The following REV3L variants were observed in gnomAD, a reference collection of about 807,000 sequenced individuals.
REV3L encodes the protein DNA polymerase zeta catalytic subunit.
REV3L carries 69 observed loss-of-function variants against 299.4 expected under a neutral mutation model. The ratio of observed to expected loss-of-function variants is 0.23; its 90% CI spans 0.19 to 0.28. The LOEUF (loss-of-function observed/expected upper bound fraction) is 0.28. REV3L is among the 10% of genes least tolerant of loss of function. The probability of loss-of-function intolerance (pLI) is 1.00; values close to 1 mark genes in which losing one functional copy is unlikely to be tolerated. For missense variants in REV3L, 3,128 were observed against 3,693.8 expected, an observed-to-expected ratio of 0.85 and a Z score of 3.97; for synonymous variants, 1,238 against 1,271.4, an observed-to-expected ratio of 0.97 and a Z score of 0.56.
intron 1 of REV3L, among the ~76,000 whole-genome samples, chr6:111,442,714 T>C (rs932491522): frequency 5.3e-5 from 8 of 152,338 alleles, no homozygotes; most frequent in African/African-American, 1.7e-4. Context: ...TCTTTTGGCC[T>C]GAAAAAATTT....
At chr6:111,347,325 ACAC>A (rs1238251899) in intron 20 of REV3L, among the ~76,000 whole-genome samples, 1 of 151,506 alleles carries the variant, frequency 6.6e-6, no homozygotes, top group African/African-American at 2.4e-5. Context: ...CACACCAAAT[ACAC>A]CACAATCTCT....
intron 5 of REV3L, among the ~76,000 whole-genome samples, chr6:111,391,515 C>G (rs12191195): frequency 0.11 from 16,412 of 152,224 alleles, 1,167 homozygotes; most frequent in Middle Eastern, 0.21. Flanking sequence ...TATATATGTA[C>G]TCACAAGTAT....
intron 9 of REV3L, among the ~76,000 whole-genome samples, chr6:111,382,381 A>G (rs1249268400): frequency 6.6e-6 from 1 of 152,200 alleles, no homozygotes; most frequent in Non-Finnish European, 1.5e-5. Context: ...TGAGGCACGG[A>G]GAGAGAAATC....
In REV3L at chr6:111,442,241, A is replaced by T. The variant is rs147262046; in HGVS notation, c.140-25769T>A. Among the ~76,000 whole-genome samples, 183 of 152,316 alleles carry T rather than the reference A, an allele frequency of 1.2e-3. 3 individuals carry two copies. In the East Asian group the frequency reaches 0.029, roughly 24 times the overall value. On this transcript the variant is annotated intron_variant, in intron 1 of 31. Transcript: ENST00000368802. ...TACCCACTTGTTTCACCAAATGCTG[A>T]AAAGAGGAGTGTTGAAGTCTCCAAC...
At chr6:111,443,427 G>A (rs1042147379) in intron 1 of REV3L, among the ~76,000 whole-genome samples, 1 of 152,126 alleles carries the variant, frequency 6.6e-6, no homozygotes, top group Non-Finnish European at 1.5e-5. Context: ...TAAATAGATG[G>A]TGGGCATTGT....
At chr6:111,458,026 G>A (rs1790346293) in intron 1 of REV3L, among the ~76,000 whole-genome samples, 2 of 151,880 alleles carry the variant, frequency 1.3e-5, no homozygotes. Flanking sequence ...ATATGTAATA[G>A]ATGCAAAAAA....
intron 21 of REV3L, 51 bp downstream of exon 21, chr6:111,343,874 A>G (rs1206735683): frequency 1.6e-6 from 2 of 1,219,570 alleles, no homozygotes; most frequent in Non-Finnish European, 2.3e-6. Context: ...CATATAAATT[A>G]CATCTCAATG....
At chr6:111,311,016 G>A in intron 29 of REV3L, 53 bp downstream of exon 29, 1 of 1,447,780 alleles carries the variant, frequency 6.9e-7, no homozygotes, top group Non-Finnish European at 9.3e-7. Flanking sequence ...GGGTCTTCTA[G>A]ACCTGTGCAG....
chr6:111,420,140 C>T (rs376488370), intron 1 of REV3L, among the ~76,000 whole-genome samples: 43 of 152,140 alleles, frequency 2.8e-4, no homozygotes, highest in African/African-American at 9.4e-4. Context: ...CCACCGCGCC[C>T]GGCCATTTTG....
At chr6:111,323,265 G>A (rs537683834) in intron 25 of REV3L, among the ~76,000 whole-genome samples, 116 of 152,288 alleles carry the variant, frequency 7.6e-4, no homozygotes, top group East Asian at 3.9e-4. Flanking sequence ...TGGGATTATA[G>A]GCGTGAGCCA....
At chr6:111,379,953 TAAAAC>T (rs759360826) in intron 11 of REV3L, 24 bp downstream of exon 11, 11 of 1,335,512 alleles carry the variant, frequency 8.2e-6, no homozygotes, top group Non-Finnish European at 1.1e-5. Context: ...TAAAAGTTAA[TAAAAC>T]AACTGCAATA....
intron 4 of REV3L, among the ~76,000 whole-genome samples, chr6:111,402,468 TCAAAA>T (rs1783188859): frequency 6.6e-6 from 1 of 152,172 alleles, no homozygotes; most frequent in South Asian, 2.1e-4. Flanking sequence ...TGCCCTCAGG[TCAAAA>T]GTTGCTTTAA....
At chr6:111,341,354 G>A (rs1171745205) in intron 21 of REV3L, among the ~76,000 whole-genome samples, 2 of 152,012 alleles carry the variant, frequency 1.3e-5, no homozygotes, top group African/African-American at 2.4e-5. Flanking sequence ...AGCCAACTTC[G>A]CCTCAGCTTC....
intron 1 of REV3L, among the ~76,000 whole-genome samples, chr6:111,449,558 TTA>T (rs1789261330): frequency 6.6e-6 from 1 of 152,216 alleles, no homozygotes; most frequent in South Asian, 2.1e-4. Context: ...CAGGAATAAC[TTA>T]TGTTTCATCT....
At chr6:111,383,979 G>A (rs920989852) in intron 9 of REV3L, among the ~76,000 whole-genome samples, 2 of 152,088 alleles carry the variant, frequency 1.3e-5, no homozygotes, top group Non-Finnish European at 2.9e-5. Context: ...TTTGATGAAG[G>A]TGCCAAGAAC....
chr6:111,395,885 T>G (rs1782447619), intron 4 of REV3L, among the ~76,000 whole-genome samples: 1 of 151,220 alleles, frequency 6.6e-6, no homozygotes, highest in South Asian at 2.1e-4. Flanking sequence ...TTATCAAGAG[T>G]TTTTACCATG....
chr6:111,331,083 A>C (rs967073029), intron 24 of REV3L: 2 of 908,534 alleles, frequency 2.2e-6, no homozygotes, highest in Middle Eastern at 1.1e-3. Context: ...GAAAGGAATA[A>C]AGTTGGCATT....
chr6:111,393,244 T>C (rs12200535), intron 4 of REV3L, among the ~76,000 whole-genome samples: 16,366 of 152,132 alleles, frequency 0.11, 1,163 homozygotes, highest in Middle Eastern at 0.21. Context: ...ATGGTCTCGA[T>C]CTGACCTTGT....
intron 1 of REV3L, chr6:111,431,624 A>T: frequency 1.3e-6 from 1 of 785,896 alleles, no homozygotes; most frequent in Non-Finnish European, 2.2e-6. Flanking sequence ...CTTGCACAGC[A>T]AGTAACTACA....
Sources: gnomAD v4.1 joint callset for allele counts (sites outside exome capture counted in the v4.1 genomes callset) on GRCh38, gnomAD v4.1.1 for gene constraint, MANE v1.5 for transcripts, NCBI Gene and HGNC (gene_info 2026-07-23, HGNC 2026-07-21) for gene names.